Variants in ZNF589 observed in about 807,000 individuals in gnomAD.
ZNF589 encodes the protein KRAB-zinc finger protein SZF1-1.
ZNF589 carries 17 observed loss-of-function variants against 13.6 expected under a neutral mutation model. The ratio of observed to expected loss-of-function variants is 1.25; its 90% CI spans 0.86 to 1.88. The LOEUF (loss-of-function observed/expected upper bound fraction) is 1.88. ZNF589 is among the 40% of genes most tolerant of loss of function. The probability of loss-of-function intolerance (pLI) is 0.00; values close to 1 mark genes in which losing one functional copy is unlikely to be tolerated. For missense variants in ZNF589, 407 were observed against 434.0 expected (o/e 0.94, Z 0.55); for synonymous variants, 148 against 161.6 (o/e 0.92, Z 0.64).
At chr3:48,256,356 C>A in intron 2 of ZNF589, 1 of 541,776 alleles carries the variant, frequency 1.8e-6, no homozygotes, top group South Asian at 1.4e-5. Flanking sequence ...GTGAGTGATA[C>A]AGCTTCCAAG....
chr3:48,270,033 G>GTC lies in ZNF589; in HGVS notation c.*1248_*1249dup, dbSNP rs112154435. On this transcript the variant is annotated 3_prime_UTR_variant, in exon 4 of 4. Coordinates refer to ENST00000354698, the MANE Select transcript of ZNF589 (RefSeq NM_016089.3). ...AGATCTAACTTCTGAGAGCAGAGGTGTCAAGTGACGGTCCCCTTGGAGGAA... is the reference window on the plus strand; with the variant it reads ...AGATCTAACTTCTGAGAGCAGAGGTGTCTCAAGTGACGGTCCCCTTGGAGGAA... The GTC allele has an allele frequency of 1.5e-5, 7 of 457,294 alleles. No homozygotes were observed. Among genetic ancestry groups the GTC allele is most frequent in the African/African-American group, 1.0e-4 (5 of 50,192 alleles). The allele number at this position is 457,294 out of a possible 1,614,324, so 28.3% of individuals were successfully genotyped here.
rs2034057599 is a variant in ZNF589, at chr3:48,268,960, T to C, written c.*174T>C. On this transcript the variant is annotated 3_prime_UTR_variant, in exon 4 of 4. Coordinates refer to ENST00000354698, the MANE Select transcript of ZNF589 (RefSeq NM_016089.3). Reference sequence around the variant, plus strand: ...CTCACGTGTGTGAGGAGTGTGGGCATGGATTTAGCCAGAAGTCGTCGCTCA... The same window carrying C: ...CTCACGTGTGTGAGGAGTGTGGGCACGGATTTAGCCAGAAGTCGTCGCTCA... The C allele has an allele frequency of 1.0e-6, 1 of 985,086 alleles. No individual in the cohort carries two copies. The highest frequency in any genetic ancestry group is 1.6e-5 in the African/African-American group (1 of 61,254). 61.0% of individuals were successfully genotyped at this position (985,086 alleles called of 1,614,324 possible). A position where few individuals can be genotyped will look rare whatever the true frequency, so the allele number is the denominator to read the frequency against.
chr3:48,266,706 A>G (rs1237782672), intron 3 of ZNF589, among the ~76,000 whole-genome samples: 3 of 152,144 alleles, frequency 2.0e-5, no homozygotes, highest in African/African-American at 7.2e-5. Flanking sequence ...CAGATTATAC[A>G]CTGCACTCCA....
In ZNF589 at chr3:48,268,630, T is replaced by C; in HGVS notation, c.939T>C (p.Phe313=). 6.2e-7 allele frequency: 1 copy of C among 1,613,864 alleles called. No individual in the cohort carries two copies. Among genetic ancestry groups the C allele is most frequent in the Non-Finnish European group, 8.5e-7 (1 of 1,179,982 alleles). Residue 313 remains phenylalanine, a synonymous_variant, in exon 4 of 4, where the codon TTT becomes TTC. Transcript: ENST00000354698. ...TGTGCAGCCATTGTGGGCGAGGCTT[T>C]AGCTGCAAGCCATACCTCATCAGAC... is the stretch of plus-strand genomic sequence containing the variant. The part of the protein sequence containing the change: ...PYVCSHCGRG[F]SCKPYLIRHQ...
At chr3:48,266,995 G>A (rs1029475735) in intron 3 of ZNF589, among the ~76,000 whole-genome samples, 42 of 152,224 alleles carry the variant, frequency 2.8e-4, no homozygotes, top group African/African-American at 9.2e-4. Flanking sequence ...ACTTAGTCTC[G>A]ATGTCCCCCA....
In ZNF589 at chr3:48,270,310, A is replaced by G. The variant is rs931862199; in HGVS notation, c.*1524A>G. On this transcript the variant is annotated 3_prime_UTR_variant, in exon 4 of 4. Transcript: ENST00000354698. ...ACTCTAAAAGTTCTTCAGACTCAGGACTTAAACATAGCCACGCCACCTTGG... is the reference window on the plus strand; with the variant it reads ...ACTCTAAAAGTTCTTCAGACTCAGGGCTTAAACATAGCCACGCCACCTTGG... 2 of 441,822 alleles carry G rather than the reference A, an allele frequency of 4.5e-6. No individual in the cohort carries two copies. The highest frequency in any genetic ancestry group is 7.0e-5 in the East Asian group (1 of 14,234). 27.4% of individuals were successfully genotyped at this position (441,822 alleles called of 1,614,324 possible).
Position 48,241,135 on chromosome 3 carries a change from G to C in ZNF589, c.-37G>C. The C allele has an allele frequency of 6.2e-7, 1 of 1,608,984 alleles. No individual in the cohort carries two copies. Among genetic ancestry groups the C allele is most frequent in the Non-Finnish European group, 8.5e-7 (1 of 1,177,826 alleles). ...TCTAATCCGTTTCACACACGGTGCT[G>C]CTACCTCGTTTGCTTCGTGCGTGCG... On this transcript the variant is annotated 5_prime_UTR_variant, in exon 1 of 4. Coordinates refer to ENST00000354698, the MANE Select transcript of ZNF589 (RefSeq NM_016089.3).
At position 48,260,954 on chromosome 3, in the gene ZNF589, T is replaced by C. The variant is rs878925551; in HGVS notation, c.223+15T>C. 1 of 1,613,832 alleles carries C rather than the reference T, an allele frequency of 6.2e-7. No individual in the cohort carries two copies. Among genetic ancestry groups the C allele is most frequent in the South Asian group, 1.1e-5 (1 of 91,050 alleles). On this transcript the variant is annotated intron_variant, in intron 3 of 3. Coordinates refer to ENST00000354698, the MANE Select transcript of ZNF589 (RefSeq NM_016089.3). Reference sequence around the variant, plus strand: ...GGTCTCATTGGGTAAGGACATGTTCTCTTCCTTCATTTTTCCATTCAAGTA... The same window carrying C: ...GGTCTCATTGGGTAAGGACATGTTCCCTTCCTTCATTTTTCCATTCAAGTA...
In ZNF589 at chr3:48,268,756, G is replaced by A. The variant is rs1250169878; in HGVS notation, c.1065G>A (p.Thr355=). The A allele has an allele frequency of 5.0e-6, 8 of 1,613,056 alleles. No individual in the cohort carries two copies. The highest frequency in any genetic ancestry group is 4.4e-5 in the South Asian group (4 of 90,994). ...TCATTAAGCACCAGAGAATTCACAC[G>A]GGGGATAAGCCTTATGTGTGCAGAG... The part of the protein sequence containing the change: ...SELIKHQRIH[T]GDKPYVCRD The change falls in exon 4 of 4, where the codon ACG becomes ACA. Residue 355 remains threonine (T), a synonymous_variant. Transcript: ENST00000354698.
intron 3 of ZNF589, among the ~76,000 whole-genome samples, chr3:48,263,571 C>T (rs2033988915): frequency 6.6e-6 from 1 of 152,030 alleles, no homozygotes. Flanking sequence ...TGTAACTTTG[C>T]CTCTACTAAA....
chr3:48,251,755 T>C (rs2033841166), intron 2 of ZNF589, among the ~76,000 whole-genome samples: 1 of 151,986 alleles, frequency 6.6e-6, no homozygotes, highest in Non-Finnish European at 1.5e-5. Flanking sequence ...TAAAAATCAA[T>C]TGTGGGGCCA....
chr3:48,268,494 G>T lies in ZNF589; in HGVS notation c.803G>T (p.Arg268Met). The T allele has an allele frequency of 1.2e-6, 2 of 1,614,086 alleles. No homozygotes were observed. The highest frequency in any genetic ancestry group is 1.7e-6 in the Non-Finnish European group (2 of 1,180,006). ...AAGTCACAGCTCATCATACACCAGA[G>T]GACACACACAGGAGAAAAGCCTTAT... ...SRKSQLIIHQ[R>M]THTGEKPYVC... The change falls in exon 4 of 4, where the codon AGG becomes ATG. Residue 268 changes from arginine (R) to methionine (M), a missense_variant. Physicochemically the swap from Arg to Met is moderately conservative, Grantham distance 91 (BLOSUM62 -1). Transcript: ENST00000354698.
chr3:48,258,384 C>T (rs2033932770), intron 2 of ZNF589, among the ~76,000 whole-genome samples: 1 of 151,974 alleles, frequency 6.6e-6, no homozygotes, highest in Non-Finnish European at 1.5e-5. Flanking sequence ...TCTTTCAGTC[C>T]TCCTGGACTC....
intron 1 of ZNF589, among the ~76,000 whole-genome samples, chr3:48,243,544 ACT>A (rs2033720509): frequency 6.6e-6 from 1 of 151,338 alleles, no homozygotes; most frequent in Non-Finnish European, 1.5e-5. Flanking sequence ...GGGCGCGGTG[ACT>A]CACGTTTGTA....
intron 3 of ZNF589, among the ~76,000 whole-genome samples, chr3:48,264,349 A>G (rs1343316977): frequency 6.6e-6 from 1 of 152,112 alleles, no homozygotes; most frequent in African/African-American, 2.4e-5. Context: ...CATGACCAAC[A>G]TGGTGAAACC....
At chr3:48,243,792 CAAA>C (rs5848849) in intron 1 of ZNF589, among the ~76,000 whole-genome samples, 9 of 120,280 alleles carry the variant, frequency 7.5e-5, no homozygotes, top group Non-Finnish European at 1.2e-4. Flanking sequence ...AAGTCTGTCT[CAAA>C]AAAAAAAAAA....
chr3:48,244,900 C>T (rs1249167361), intron 1 of ZNF589, among the ~76,000 whole-genome samples: 2 of 151,764 alleles, frequency 1.3e-5, no homozygotes, highest in African/African-American at 2.4e-5. Context: ...CTGGAACCTC[C>T]GCCTCCCGGG....
rs906955994 is a variant in ZNF589 at position 48,270,229 on chromosome 3, C to T, written c.*1443C>T. The T allele has an allele frequency of 2.2e-5, 10 of 457,204 alleles. No homozygotes were observed. The highest frequency in any genetic ancestry group is 4.4e-5 in the Non-Finnish European group (10 of 227,116). The allele number at this position is 457,204 out of a possible 1,614,324, so 28.3% of individuals were successfully genotyped here. A position where few individuals can be genotyped will look rare whatever the true frequency, so the allele number is the denominator to read the frequency against. On this transcript the variant is annotated 3_prime_UTR_variant, in exon 4 of 4. Transcript: ENST00000354698. ...TCCAGCCCTACAATCTGAGGGACAC[C>T]TTTACCAGGTCCCCTTCCTAACCCT...
At chr3:48,266,708 T>C (rs2034022740) in intron 3 of ZNF589, among the ~76,000 whole-genome samples, 1 of 152,200 alleles carries the variant, frequency 6.6e-6, no homozygotes, top group East Asian at 1.9e-4. Flanking sequence ...GATTATACAC[T>C]GCACTCCATT....
Sources: gnomAD v4.1 joint callset for allele counts (sites outside exome capture counted in the v4.1 genomes callset) on GRCh38, gnomAD v4.1.1 for gene constraint, MANE v1.5 for transcripts, NCBI Gene and HGNC (gene_info 2026-07-23, HGNC 2026-07-21) for gene names.